The following CYTH4 variants were observed in gnomAD, a reference collection of about 807,000 sequenced individuals.
The protein encoded by CYTH4 is cytohesin-4.
In CYTH4, 22 loss-of-function variants were observed where a neutral mutation model predicts 57.5. The ratio of observed to expected loss-of-function variants is 0.38; its 90% CI spans 0.27 to 0.55. The LOEUF is 0.55. Ranked by LOEUF, CYTH4 falls within the 20% of genes least tolerant of loss-of-function variation. The probability of loss-of-function intolerance (pLI) is 0.74; values close to 1 mark genes in which losing one functional copy is unlikely to be tolerated. For missense variants in CYTH4, 420 were observed against 535.6 expected (o/e 0.78, Z 2.13); for synonymous variants, 186 against 206.5 (o/e 0.90, Z 0.85).
At chr22:37,302,321 C>T (rs1929213295) in intron 7 of CYTH4, among the ~76,000 whole-genome samples, 1 of 152,202 alleles carries the variant, frequency 6.6e-6, no homozygotes, top group African/African-American at 2.4e-5. Flanking sequence ...GGAAAGAAGG[C>T]ATCTTAAAGC....
Position 37,292,670 on chromosome 22 carries a change from G to C in CYTH4, c.69G>C (p.Lys23Asn). Residue 23 changes from lysine to asparagine, a missense_variant, in exon 2 of 13, where the codon AAG (lysine) becomes AAC (asparagine). Physicochemically the swap from Lys to Asn is moderately conservative, Grantham distance 94. Coordinates refer to ENST00000248901, the MANE Select transcript of CYTH4 (RefSeq NM_013385.5). The stretch of plus-strand genomic sequence containing the variant: ...AGACGGAAGAGTTACAGAGGATCAA[G>C]TGGCACCGAAAGCAGCTCCTGGAGG... Reference protein sequence around the residue: ...SGETEELQRIKWHRKQLLEDI... With the variant: ...SGETEELQRINWHRKQLLEDI... 6.2e-7 allele frequency: 1 copy of C among 1,613,882 alleles called. No homozygotes were observed.
intron 4 of CYTH4, 72 bp downstream of exon 4, chr22:37,296,137 G>T (rs140445521): frequency 1.4e-6 from 2 of 1,448,090 alleles, no homozygotes; most frequent in African/African-American, 2.8e-5. Flanking sequence ...GTGTCCTCTC[G>T]CTCCCCTCGG....
In CYTH4 at chr22:37,311,928, C is replaced by G; in HGVS notation, c.958-92C>G. On this transcript the variant is annotated intron_variant, in intron 11 of 12. Coordinates refer to ENST00000248901, the MANE Select transcript of CYTH4 (RefSeq NM_013385.5). The surrounding 1 kb of genome is among the most constrained non-coding windows in gnomAD (Gnocchi z 4.4). The stretch of plus-strand genomic sequence containing the variant: ...CCTGTCGTAGGGCTGTCACGCTGAT[C>G]AGGGACACTAGCGTCTGGGCTTCTC... 2 of 1,494,348 alleles carry G rather than the reference C, an allele frequency of 1.3e-6. No individual in the cohort carries two copies. Among genetic ancestry groups the G allele is most frequent in the African/African-American group, 1.4e-5 (1 of 72,020 alleles). The allele number at this position is 1,494,348 out of a possible 1,614,324, so 92.6% of individuals were successfully genotyped here. A position where few individuals can be genotyped will look rare whatever the true frequency, so the allele number is the denominator to read the frequency against.
chr22:37,311,705 TCAATGTGGGTC>T lies in CYTH4; in HGVS notation c.957+182_957+192del, dbSNP rs1329257412. On this transcript the variant is annotated intron_variant, in intron 11 of 12. Coordinates refer to ENST00000248901, the MANE Select transcript of CYTH4 (RefSeq NM_013385.5). This position sits in a 1 kb window ranked among gnomAD's most constrained non-coding sequence, Gnocchi z 4.4. Reference sequence around the variant, plus strand: ...TGGGGCCATGGACAGTGAGAAAAGGTCAATGTGGGTCCAAGGACGTGGTTGTCCCCTGTTGT... The same window carrying T: ...TGGGGCCATGGACAGTGAGAAAAGGTCAAGGACGTGGTTGTCCCCTGTTGT... The T allele has an allele frequency of 7.2e-6, 5 of 690,318 alleles. No homozygotes were observed. Among genetic ancestry groups the T allele is most frequent in the Non-Finnish European group, 1.2e-5 (5 of 411,092 alleles). 42.8% of individuals were successfully genotyped at this position (690,318 alleles called of 1,614,324 possible).
intron 2 of CYTH4, among the ~76,000 whole-genome samples, chr22:37,294,314 G>A (rs1928867677): frequency 1.3e-5 from 2 of 151,596 alleles, no homozygotes; most frequent in Middle Eastern, 3.4e-3. Flanking sequence ...GGGTAGGCTC[G>A]GCTAGAGTGC....
At chr22:37,293,951 G>A (rs200315339) in intron 2 of CYTH4, among the ~76,000 whole-genome samples, 1 of 151,654 alleles carries the variant, frequency 6.6e-6, no homozygotes, top group East Asian at 1.9e-4. Flanking sequence ...CTGGAAAGAG[G>A]GCCTAGGCTG....
intron 5 of CYTH4, 81 bp from the exon 6 acceptor site, chr22:37,299,145 C>A: frequency 9.9e-7 from 1 of 1,014,502 alleles, no homozygotes; most frequent in Admixed American, 1.9e-5. Context: ...CCTCTCCCTC[C>A]CCCACCTCAA....
At chr22:37,286,820 G>A (rs760947003) in intron 1 of CYTH4, among the ~76,000 whole-genome samples, 78 of 152,138 alleles carry the variant, frequency 5.1e-4, no homozygotes, top group Admixed American at 9.2e-4. Flanking sequence ...GTGAGATTTG[G>A]GGTCTTTGTC....
intron 1 of CYTH4, among the ~76,000 whole-genome samples, chr22:37,290,717 C>T (rs181921512): frequency 8.5e-5 from 13 of 152,282 alleles, no homozygotes; most frequent in Non-Finnish European, 1.6e-4. Flanking sequence ...ACTGTGTTAT[C>T]CAGGATGGTC....
Position 37,311,656 on chromosome 22 carries a change from C to A in CYTH4, c.957+129C>A. ...TGTGCCCCTTACACCTTCCCTGTGG[C>A]TCAGGGCTGCCTTCTCTCCCTCCTG... On this transcript the variant is annotated intron_variant, in intron 11 of 12. Transcript: ENST00000248901. The surrounding 1 kb of genome is among the most constrained non-coding windows in gnomAD (Gnocchi z 4.4). 1.1e-6 allele frequency: 1 copy of A among 930,026 alleles called. No homozygotes were observed. The highest frequency in any genetic ancestry group is 1.7e-6 in the Non-Finnish European group (1 of 595,918). 57.6% of individuals were successfully genotyped at this position (930,026 alleles called of 1,614,324 possible).
intron 9 of CYTH4, chr22:37,309,923 G>C (rs1240065460): frequency 4.5e-6 from 2 of 445,330 alleles, no homozygotes; most frequent in Non-Finnish European, 9.3e-6. Flanking sequence ...TGGCTGTAGA[G>C]TCCAGCAGGG....
At chr22:37,290,607 G>A (rs1217771465) in intron 1 of CYTH4, among the ~76,000 whole-genome samples, 2 of 152,252 alleles carry the variant, frequency 1.3e-5, no homozygotes, top group African/African-American at 2.4e-5. Flanking sequence ...CCAGGTTCAC[G>A]CCATTCTCCT....
chr22:37,293,302 C>G (rs1158956037), intron 2 of CYTH4, among the ~76,000 whole-genome samples: 1 of 152,228 alleles, frequency 6.6e-6, no homozygotes, highest in Non-Finnish European at 1.5e-5. Flanking sequence ...ATTCACTCAG[C>G]TGCTGTTTCA....
At chr22:37,291,368 T>A (rs1235442389) in intron 1 of CYTH4, among the ~76,000 whole-genome samples, 1 of 152,140 alleles carries the variant, frequency 6.6e-6, no homozygotes. Flanking sequence ...GAAGGAGAAG[T>A]AGGGAAAGGG....
chr22:37,314,190 A>C lies in CYTH4; in HGVS notation c.*679A>C, dbSNP rs1270242773. 1 of 396,136 alleles carries C rather than the reference A, an allele frequency of 2.5e-6. No individual in the cohort carries two copies. The highest frequency in any genetic ancestry group is 4.4e-6 in the Non-Finnish European group (1 of 225,112). The allele number at this position is 396,136 out of a possible 1,614,324, so 24.5% of individuals were successfully genotyped here. ...GTTCTTGCAAAACTGCAGTGTTTGGACTAGAAACGTATTGGCCCCTGCTAG... is the reference window on the plus strand; with the variant it reads ...GTTCTTGCAAAACTGCAGTGTTTGGCCTAGAAACGTATTGGCCCCTGCTAG... On this transcript the variant is annotated 3_prime_UTR_variant, in exon 13 of 13. Transcript: ENST00000248901.
At chr22:37,296,154 C>G (rs936013664) in intron 4 of CYTH4, 89 bp downstream of exon 4, 10 of 1,319,908 alleles carry the variant, frequency 7.6e-6, no homozygotes, top group Non-Finnish European at 1.1e-5. Context: ...TCGGCTGACA[C>G]GACCCCTTTC....
chr22:37,288,775 C>T (rs1569105027), intron 1 of CYTH4, among the ~76,000 whole-genome samples: 1 of 152,244 alleles, frequency 6.6e-6, no homozygotes, highest in Non-Finnish European at 1.5e-5. Flanking sequence ...ATATCACCTC[C>T]AGGCTGACAC....
chr22:37,306,184 T>G lies in CYTH4; in HGVS notation c.696+2782T>G, dbSNP rs182623813. ...GAGGAACCACCCACCCTGAGGGCTG[T>G]GGGAGGGGGAGCTAGGGTGGAAGAG... On this transcript the variant is annotated intron_variant, in intron 8 of 12. Coordinates refer to ENST00000248901, the MANE Select transcript of CYTH4 (RefSeq NM_013385.5). 4.5e-3 allele frequency among the ~76,000 whole-genome samples: 684 copies of G among 152,042 alleles called. 10 individuals are homozygous for G. The highest frequency in any genetic ancestry group is 3.3e-3 in the Non-Finnish European group (227 of 67,968).
chr22:37,297,153 T>G (rs1429377640), intron 4 of CYTH4, among the ~76,000 whole-genome samples: 1 of 152,160 alleles, frequency 6.6e-6, no homozygotes, highest in African/African-American at 2.4e-5. Flanking sequence ...TTTTATACAA[T>G]AGACATAGAT....
Sources: allele counts gnomAD v4.1 joint callset (sites outside exome capture counted in the v4.1 genomes callset), GRCh38; gene constraint gnomAD v4.1.1; non-coding constraint Gnocchi (gnomAD v3.1); transcripts MANE v1.5; gene names NCBI Gene and HGNC (gene_info 2026-07-23, HGNC 2026-07-21).